RBM47: variants seen among roughly 807,000 people sequenced by gnomAD.
RBM47 encodes RNA-binding protein 47.
Under a neutral mutation model 47.1 loss-of-function variants are expected in RBM47, and 21 were observed. The ratio of observed to expected loss-of-function variants is 0.45; its 90% CI spans 0.32 to 0.64. The LOEUF is 0.64. RBM47 is among the 30% of genes least tolerant of loss of function. The pLI, the probability that RBM47 is intolerant of heterozygous loss-of-function variation, is 0.05. For missense variants in RBM47, 708 were observed against 870.9 expected (o/e 0.81, Z 2.35); for synonymous variants, 375 against 361.7 (o/e 1.04, Z -0.42).
In RBM47 at chr4:40,523,891, G is replaced by A. The variant is rs140769154; in HGVS notation, c.-155+20531C>T. Among the ~76,000 whole-genome samples, 57 of 151,618 alleles carry A rather than the reference G, an allele frequency of 3.8e-4. 2 individuals are homozygous for A. The East Asian group carries it at 0.01, about 27-fold the overall frequency. ...AAAAAAAAAAAGAGGAAAAGAAAAG[G>A]AAAGGAAAACAGGGTTGTCTGATTT... is the stretch of plus-strand genomic sequence containing the variant. On this transcript the variant is annotated intron_variant, in intron 2 of 6. Transcript: ENST00000295971.
intron 2 of RBM47, among the ~76,000 whole-genome samples, chr4:40,534,594 AC>A (rs1213152460): frequency 6.6e-6 from 1 of 152,124 alleles, no homozygotes; most frequent in Non-Finnish European, 1.5e-5. Context: ...CGATGGACAT[AC>A]CTTTTTCTGA....
chr4:40,553,637 C>T (rs986087773), intron 1 of RBM47, among the ~76,000 whole-genome samples: 7 of 152,120 alleles, frequency 4.6e-5, no homozygotes, highest in African/African-American at 1.7e-4. Flanking sequence ...TATCTATCTG[C>T]CCCACTAAAA....
intron 2 of RBM47, among the ~76,000 whole-genome samples, chr4:40,495,631 T>C (rs35145104): frequency 0.31 from 47,483 of 151,892 alleles, 7,517 homozygotes; most frequent in East Asian, 0.4. Flanking sequence ...GTTTAGGTTA[T>C]GACTCGTTCC....
intron 6 of RBM47, chr4:40,426,697 T>A (rs2154208012): frequency 6.6e-6 from 1 of 152,484 alleles, no homozygotes; most frequent in Non-Finnish European, 1.5e-5. Context: ...CCTAATATGA[T>A]GCAAATGTTA....
At chr4:40,576,279 TC>T (rs34410347) in intron 1 of RBM47, among the ~76,000 whole-genome samples, 1 of 141,062 alleles carries the variant, frequency 7.1e-6, no homozygotes, top group African/African-American at 2.7e-5. Context: ...AGACAGGGTC[TC>T]CCCCTGTCAC....
chr4:40,578,432 G>A (rs937626621), intron 1 of RBM47, among the ~76,000 whole-genome samples: 1 of 152,156 alleles, frequency 6.6e-6, no homozygotes, highest in Non-Finnish European at 1.5e-5. Context: ...AAAAGCAATT[G>A]AGAACTTTAA....
intron 2 of RBM47, among the ~76,000 whole-genome samples, chr4:40,484,813 C>T (rs1189415215): frequency 6.6e-6 from 1 of 152,282 alleles, no homozygotes; most frequent in Non-Finnish European, 1.5e-5. Context: ...TCTTTCTCAA[C>T]ACAACTTTAC....
intron 1 of RBM47, among the ~76,000 whole-genome samples, chr4:40,588,047 C>G (rs914570906): frequency 6.6e-6 from 1 of 152,174 alleles, no homozygotes; most frequent in South Asian, 2.1e-4. Context: ...TCATGGGGCC[C>G]TGCAATTCAG....
chr4:40,612,509 C>T (rs776249650), intron 1 of RBM47, among the ~76,000 whole-genome samples: 4 of 152,182 alleles, frequency 2.6e-5, no homozygotes, highest in Non-Finnish European at 5.9e-5. Context: ...GAGAGCCAGA[C>T]TCTGTCTCTC....
intron 2 of RBM47, among the ~76,000 whole-genome samples, chr4:40,533,459 A>AG (rs1203700275): frequency 1.3e-5 from 2 of 151,630 alleles, no homozygotes; most frequent in African/African-American, 2.4e-5. Flanking sequence ...AAAAAGAAGA[A>AG]GGGAAAAAAA....
intron 2 of RBM47, among the ~76,000 whole-genome samples, chr4:40,478,305 ACACCCGGT>A (rs1719922302): frequency 6.6e-6 from 1 of 152,134 alleles, no homozygotes; most frequent in African/African-American, 2.4e-5. Flanking sequence ...CTGAGCCACC[ACACCCGGT>A]CACATTAACT....
intron 1 of RBM47, among the ~76,000 whole-genome samples, chr4:40,594,603 G>A (rs979300098): frequency 2.0e-5 from 3 of 152,080 alleles, no homozygotes; most frequent in Non-Finnish European, 4.4e-5. Flanking sequence ...TGGTCAAACC[G>A]AGCCACTCTC....
At position 40,438,818 on chromosome 4, in the gene RBM47, C is replaced by A. The variant is rs766644209; in HGVS notation, c.76G>T (p.Val26Leu). 4 of 1,555,600 alleles carry A rather than the reference C, an allele frequency of 2.6e-6. No individual in the cohort carries two copies. In the South Asian group the frequency reaches 4.6e-5, roughly 18 times the overall value. ...GCTGCCTCGTTGGGCGCGCCCGCCA[C>A]GCCCTCGGGCACCTTGGCGGAGGAC... ...AGSSAKVPEG[V>L]AGAPNEAALL... Residue 26 changes from valine (V) to leucine (L), a missense_variant, in exon 4 of 7, where the codon GTG becomes TTG. Val to Leu is a conservative substitution (Grantham distance 32). Transcript: ENST00000295971.
intron 1 of RBM47, among the ~76,000 whole-genome samples, 155 bp from the exon 2 acceptor site, chr4:40,544,661 G>A (rs1206131157): frequency 6.6e-6 from 1 of 152,140 alleles, no homozygotes; most frequent in Non-Finnish European, 1.5e-5. Context: ...GGAACTACAA[G>A]GGAAGCTACA....
chr4:40,587,959 A>G (rs896314825), intron 1 of RBM47, among the ~76,000 whole-genome samples: 1 of 152,192 alleles, frequency 6.6e-6, no homozygotes, highest in Non-Finnish European at 1.5e-5. Context: ...CGGCTAGACA[A>G]CACCATGGGT....
In RBM47 at chr4:40,424,081, T is replaced by C. The variant is rs1307859703; in HGVS notation, c.*1823A>G. 5 of 152,138 alleles carry C rather than the reference T, an allele frequency of 3.3e-5. No individual in the cohort carries two copies. The highest frequency in any genetic ancestry group is 9.7e-5 in the African/African-American group (4 of 41,428). The allele number at this position is 152,138 out of a possible 1,614,324, so 9.4% of individuals were successfully genotyped here. A position where few individuals can be genotyped will look rare whatever the true frequency, so the allele number is the denominator to read the frequency against. On this transcript the variant is annotated 3_prime_UTR_variant, in exon 7 of 7. Transcript: ENST00000295971. Reference sequence around the variant, plus strand: ...TAGTTAAATAAATATTGCTTACACATAAAAACTCATCTCATTTCAAGATGA... The same window carrying C: ...TAGTTAAATAAATATTGCTTACACACAAAAACTCATCTCATTTCAAGATGA...
At chr4:40,582,587 A>G (rs1733060637) in intron 1 of RBM47, among the ~76,000 whole-genome samples, 1 of 152,160 alleles carries the variant, frequency 6.6e-6, no homozygotes, top group Non-Finnish European at 1.5e-5. Flanking sequence ...GACATCACTC[A>G]CTACCAATAG....
Position 40,581,651 on chromosome 4 carries a change from A to C in RBM47, c.-239-37145T>G, listed in dbSNP as rs915568724. ...GTGGGGGAAGAGGTGAGATTAAATT[A>C]TCTCTTCTTCAGAAGACAGCTCAGA... On this transcript the variant is annotated intron_variant, in intron 1 of 6. Transcript: ENST00000295971. Among the ~76,000 whole-genome samples the C allele has an allele frequency of 2.6e-5, 4 of 151,920 alleles. No individual in the cohort carries two copies. The South Asian group carries it at 6.2e-4, about 24-fold the overall frequency.
chr4:40,491,580 A>G (rs544982716), intron 2 of RBM47, among the ~76,000 whole-genome samples: 2 of 152,356 alleles, frequency 1.3e-5, no homozygotes, highest in South Asian at 4.1e-4. Flanking sequence ...TTGCAGATGT[A>G]TATTTGATAA....
Sources: gnomAD v4.1 joint callset for allele counts (sites outside exome capture counted in the v4.1 genomes callset) on GRCh38, gnomAD v4.1.1 for gene constraint, MANE v1.5 for transcripts, NCBI Gene and HGNC (gene_info 2026-07-23, HGNC 2026-07-21) for gene names.